The following PPIG variants were observed in gnomAD, a reference collection of about 807,000 sequenced individuals.
The protein encoded by PPIG is peptidylprolyl isomerase G.
In PPIG, 26 loss-of-function variants were observed where a neutral mutation model predicts 87.9. The ratio of observed to expected loss-of-function variants is 0.30; its 90% CI spans 0.22 to 0.41. The LOEUF (loss-of-function observed/expected upper bound fraction) is 0.41. Ranked by LOEUF, PPIG falls within the 10% of genes least tolerant of loss-of-function variation. The pLI is 1.00. For synonymous variants in PPIG, 308 were observed against 276.5 expected (o/e 1.11, Z -1.13); for missense variants, 722 against 879.4 (o/e 0.82, Z 2.26).
At chr2:169,593,809 G>C (rs1247098681) in intron 1 of PPIG, among the ~76,000 whole-genome samples, 1 of 116,202 alleles carries the variant, frequency 8.6e-6, no homozygotes, top group African/African-American at 2.6e-5. Context: ...ACCATGCCCG[G>C]CTAATTTTTT....
intron 1 of PPIG, among the ~76,000 whole-genome samples, chr2:169,591,076 A>G (rs1435796075): frequency 6.6e-6 from 1 of 152,222 alleles, no homozygotes; most frequent in Non-Finnish European, 1.5e-5. Context: ...ACTTCCTCAT[A>G]ATGTGTGAAA....
At chr2:169,594,781 C>T (rs1397263645) in intron 1 of PPIG, among the ~76,000 whole-genome samples, 1 of 151,792 alleles carries the variant, frequency 6.6e-6, no homozygotes, top group Non-Finnish European at 1.5e-5. Context: ...CACATCACTA[C>T]GCTCAGCTAA....
At chr2:169,624,935 A>G (rs1685846564) in intron 9 of PPIG, among the ~76,000 whole-genome samples, 2 of 152,188 alleles carry the variant, frequency 1.3e-5, no homozygotes, top group Admixed American at 1.3e-4. Flanking sequence ...CTGTTGCCGT[A>G]TTCGGAATTT....
At chr2:169,614,395 T>A in intron 7 of PPIG, 69 bp from the exon 8 acceptor site, 1 of 1,362,544 alleles carries the variant, frequency 7.3e-7, no homozygotes, top group South Asian at 1.3e-5. Flanking sequence ...TTTCTTTTTC[T>A]TTTTAGAGAT....
At chr2:169,585,583 A>T (rs555663505) in intron 1 of PPIG, among the ~76,000 whole-genome samples, 1 of 152,300 alleles carries the variant, frequency 6.6e-6, no homozygotes, top group Admixed American at 6.5e-5. Context: ...CTTAAGGAGC[A>T]AAGTCTAGAT....
intron 1 of PPIG, among the ~76,000 whole-genome samples, chr2:169,587,873 T>C (rs1223146136): frequency 6.6e-6 from 1 of 152,092 alleles, no homozygotes; most frequent in African/African-American, 2.4e-5. Flanking sequence ...ACATGAATGA[T>C]GGCCGGGGGT....
intron 7 of PPIG, among the ~76,000 whole-genome samples, chr2:169,613,150 CA>C (rs1685534831): frequency 1.3e-5 from 2 of 152,076 alleles, no homozygotes; most frequent in Non-Finnish European, 2.9e-5. Context: ...TATCTAAATG[CA>C]AATCATATAT....
chr2:169,605,860 A>G (rs1025343817), intron 4 of PPIG, among the ~76,000 whole-genome samples, 179 bp from the exon 5 acceptor site: 1 of 152,236 alleles, frequency 6.6e-6, no homozygotes, highest in Admixed American at 6.5e-5. Flanking sequence ...TGATTTCTAC[A>G]TTCTCCAGAA....
chr2:169,610,052 T>G (rs1354986260), intron 7 of PPIG, among the ~76,000 whole-genome samples: 3 of 152,228 alleles, frequency 2.0e-5, no homozygotes, highest in African/African-American at 7.2e-5. Flanking sequence ...AATGCCTGTT[T>G]TTAAAATCCT....
At chr2:169,613,139 A>G (rs541159861) in intron 7 of PPIG, among the ~76,000 whole-genome samples, 4 of 152,338 alleles carry the variant, frequency 2.6e-5, no homozygotes, top group African/African-American at 9.6e-5. Flanking sequence ...AGGATCAACT[A>G]TATCTAAATG....
At chr2:169,588,715 A>T (rs1574431690) in intron 1 of PPIG, among the ~76,000 whole-genome samples, 1 of 152,100 alleles carries the variant, frequency 6.6e-6, no homozygotes, top group African/African-American at 2.4e-5. Context: ...TAATCCCGAC[A>T]CTTTGGGAGG....
At chr2:169,591,811 G>C (rs1259758274) in intron 1 of PPIG, among the ~76,000 whole-genome samples, 1 of 151,000 alleles carries the variant, frequency 6.6e-6, no homozygotes, top group Non-Finnish European at 1.5e-5. Flanking sequence ...AATTTGTCTG[G>C]ATTTTAGCTG....
intron 12 of PPIG, among the ~76,000 whole-genome samples, chr2:169,633,987 C>T (rs1381363562): frequency 6.6e-6 from 1 of 151,924 alleles, no homozygotes; most frequent in African/African-American, 2.4e-5. Context: ...TGCCACCATG[C>T]CCGGCTAATT....
chr2:169,619,175 A>G (rs11890135), intron 9 of PPIG, among the ~76,000 whole-genome samples: 90,691 of 152,030 alleles, frequency 0.6, 27,687 homozygotes, highest in African/African-American at 0.73. Context: ...GTAATTGTGC[A>G]GTTTTGAGTG....
At chr2:169,594,917 T>C (rs1022356013) in intron 1 of PPIG, among the ~76,000 whole-genome samples, 1 of 151,892 alleles carries the variant, frequency 6.6e-6, no homozygotes, top group Non-Finnish European at 1.5e-5. Context: ...ACACCATGCC[T>C]GGCAGTTTTA....
At position 169,639,417 on chromosome 2, in the gene PPIG, T is replaced by C. The variant is rs975021629; in HGVS notation, c.*1894T>C. ...GAAAGGATTTCTAATAACAGTTAAA[T>C]ATTTTTTTTAAGTCCATGCTAAGTA... On this transcript the variant is annotated 3_prime_UTR_variant, in exon 14 of 14. Transcript: ENST00000260970. 1.1e-5 allele frequency: 1 copy of C among 95,048 alleles called. No homozygotes were observed. Among genetic ancestry groups the C allele is most frequent in the African/African-American group, 5.3e-5 (1 of 19,038 alleles). The allele number at this position is 95,048 out of a possible 1,614,324, so 5.9% of individuals were successfully genotyped here.
chr2:169,623,143 A>T (rs1685800841), intron 9 of PPIG, among the ~76,000 whole-genome samples: 1 of 152,154 alleles, frequency 6.6e-6, no homozygotes, highest in Admixed American at 6.5e-5. Context: ...CTTCCAGCAG[A>T]TGCAGAGATG....
intron 7 of PPIG, among the ~76,000 whole-genome samples, chr2:169,609,381 T>A (rs1685425365): frequency 6.6e-6 from 1 of 152,014 alleles, no homozygotes; most frequent in Non-Finnish European, 1.5e-5. Flanking sequence ...GGCTAATTTT[T>A]TAATTTTTTT....
intron 4 of PPIG, among the ~76,000 whole-genome samples, chr2:169,605,823 T>G (rs1685310755): frequency 1.3e-5 from 2 of 152,028 alleles, no homozygotes; most frequent in African/African-American, 4.8e-5. Flanking sequence ...AACCAAACAT[T>G]AGTTGTAAAG....
Sources: gnomAD v4.1 joint callset for allele counts (sites outside exome capture counted in the v4.1 genomes callset) on GRCh38, gnomAD v4.1.1 for gene constraint, MANE v1.5 for transcripts, NCBI Gene and HGNC (gene_info 2026-07-23, HGNC 2026-07-21) for gene names.